The following MIB2 variants were observed in gnomAD, a reference collection of about 807,000 sequenced individuals.
MIB2 encodes the protein MIB E3 ubiquitin protein ligase 2, also known as E3 ubiquitin-protein ligase MIB2.
In MIB2, 78 loss-of-function variants were observed where a neutral mutation model predicts 96.6. The observed-to-expected ratio is 0.81, with a 90% CI of 0.67 to 0.97. MIB2 has a LOEUF of 0.97. MIB2 is among the 50% of genes least tolerant of loss of function. MIB2 has a pLI of 0.00. For missense variants in MIB2, 1,543 were observed against 1,424.0 expected (o/e 1.08, Z -1.35); for synonymous variants, 820 against 629.5 (o/e 1.30, Z -4.53).
chr1:1,621,195 G>GTTCGTCAC (rs1644230173), intron 2 of MIB2, among the ~76,000 whole-genome samples: 2 of 152,276 alleles, frequency 1.3e-5, no homozygotes, highest in African/African-American at 4.8e-5. Context: ...GCCCCGCGAG[G>GTTCGTCAC]GGAATAGTGC....
In MIB2 at chr1:1,623,430, G is replaced by A. The variant is rs1453617055; in HGVS notation, c.-22-1G>A. On this transcript the variant is annotated splice_acceptor_variant, in intron 2 of 19. Transcript: ENST00000355826. LOFTEE classifies it low-confidence loss of function (5UTR_SPLICE). Reference sequence around the variant, plus strand: ...CCCACCATGGACCCCTCTGCCCACAGGTCCCGAGCAGCCCCGCCCAACATG... The same window carrying A: ...CCCACCATGGACCCCTCTGCCCACAAGTCCCGAGCAGCCCCGCCCAACATG... The A allele has an allele frequency of 6.2e-6, 10 of 1,602,906 alleles. No individual in the cohort carries two copies. The African/African-American group carries it at 9.4e-5, about 15-fold the overall frequency.
chr1:1,615,616 C>T lies in MIB2; in HGVS notation c.-147C>T. 6.4e-7 allele frequency: 1 copy of T among 1,571,262 alleles called. No homozygotes were observed. The highest frequency in any genetic ancestry group is 1.2e-5 in the South Asian group (1 of 85,612). On this transcript the variant is annotated 5_prime_UTR_variant, in exon 1 of 20. Coordinates refer to ENST00000355826, the MANE Select transcript of MIB2 (RefSeq NM_001170687.4). ...TCCTAGGTCACTGGCGCGATGCGGGCCGTCCTCTCGGCTGATGGTGCGTGC... is the reference window on the plus strand; with the variant it reads ...TCCTAGGTCACTGGCGCGATGCGGGTCGTCCTCTCGGCTGATGGTGCGTGC...
At chr1:1,622,167 C>T (rs187801532) in intron 2 of MIB2, among the ~76,000 whole-genome samples, 297 of 152,326 alleles carry the variant, frequency 1.9e-3, no homozygotes, top group African/African-American at 4.8e-3. Flanking sequence ...CTGGGACTGC[C>T]GTGTCCCCCA....
At position 1,629,255 on chromosome 1, in the gene MIB2, C is replaced by G; in HGVS notation, c.2325C>G (p.Asp775Glu). 6.5e-7 allele frequency: 1 copy of G among 1,545,768 alleles called. No homozygotes were observed. Among genetic ancestry groups the G allele is most frequent in the Non-Finnish European group, 8.6e-7 (1 of 1,157,250 alleles). ...ACCACCGCGGTCGGAGCCCGCTGGACCTGGCCGCCGAGGGTCGCGTGCTCA... is the reference window on the plus strand; with the variant it reads ...ACCACCGCGGTCGGAGCCCGCTGGAGCTGGCCGCCGAGGGTCGCGTGCTCA... ...YTNHRGRSPL[D>E]LAAEGRVLKA... The change falls in exon 17 of 20, where the codon GAC (aspartate) becomes GAG (glutamate). Residue 775 changes from aspartate (D) to glutamate (E), a missense_variant. Asp to Glu is a conservative substitution (Grantham distance 45). Coordinates refer to ENST00000355826, the MANE Select transcript of MIB2 (RefSeq NM_001170687.4).
chr1:1,628,545 C>A lies in MIB2; in HGVS notation c.2025C>A (p.Ala675=). The change falls in exon 16 of 20, where the codon GCC becomes GCA. Residue 675 remains alanine (A), a synonymous_variant. Coordinates refer to ENST00000355826, the MANE Select transcript of MIB2 (RefSeq NM_001170687.4). ...NRKLQSPLHL[A]VQQAHVGLVP... is the part of the protein sequence containing the mutation. ...AGCTGCAGTCCCCGCTGCATCTCGCCGTGCAACAGGCCCACGTGGGGCTGG... is the reference window on the plus strand; with the variant it reads ...AGCTGCAGTCCCCGCTGCATCTCGCAGTGCAACAGGCCCACGTGGGGCTGG... 2.5e-6 allele frequency: 4 copies of A among 1,601,710 alleles called. No homozygotes were observed. Among genetic ancestry groups the A allele is most frequent in the Non-Finnish European group, 3.4e-6 (4 of 1,178,798 alleles).
At chr1:1,624,654 C>T (rs2100460784) in intron 4 of MIB2, 141 bp from the exon 5 acceptor site, 2 of 795,078 alleles carry the variant, frequency 2.5e-6, no homozygotes, top group East Asian at 2.7e-5. Context: ...CCGGCCATTC[C>T]CGGGCAAGAG....
In MIB2 at chr1:1,627,646, T is replaced by G. The variant is rs370602060; in HGVS notation, c.1524-27T>G. The G allele has an allele frequency of 2.5e-6, 4 of 1,581,418 alleles. No individual in the cohort carries two copies. The African/African-American group carries it at 4.0e-5, about 16-fold the overall frequency. ...CGTCCAGCCACCGGGCCCGGCGCCC[T>G]CCCTCTCCCACTTCCTCTCCTGTCA... On this transcript the variant is annotated intron_variant, in intron 12 of 19. Coordinates refer to ENST00000355826, the MANE Select transcript of MIB2 (RefSeq NM_001170687.4).
In MIB2 at chr1:1,629,559, G is replaced by A. The variant is rs780359214; in HGVS notation, c.2556G>A (p.Val852=). 533 of 1,554,034 alleles carry A rather than the reference G, an allele frequency of 3.4e-4. No homozygotes were observed. The highest frequency in any genetic ancestry group is 4.6e-4 in the Non-Finnish European group (525 of 1,151,892). ...TCTCGCCGTGCCAGCACCGCACCGT[G>A]TGTGAGGGTGAGTGGGGGGCCCCGG... The part of the protein sequence containing the change: ...VLFSPCQHRT[V]CEECARRMKK... Residue 852 remains valine, a synonymous_variant, in exon 18 of 20, where the codon GTG becomes GTA. Transcript: ENST00000355826.
chr1:1,630,264 C>G, intron 19 of MIB2, 28 bp from the exon 20 acceptor site: 3 of 1,245,128 alleles, frequency 2.4e-6, no homozygotes, highest in Non-Finnish European at 3.2e-6. Context: ...CCCGGCCTCC[C>G]AGCTCACACC....
In MIB2 at chr1:1,625,700, C is replaced by A; in HGVS notation, c.972+47C>A. 6.8e-7 allele frequency: 1 copy of A among 1,474,740 alleles called. No homozygotes were observed. The highest frequency in any genetic ancestry group is 9.3e-7 in the Non-Finnish European group (1 of 1,080,916). 91.4% of individuals were successfully genotyped at this position (1,474,740 alleles called of 1,614,324 possible). On this transcript the variant is annotated intron_variant, in intron 8 of 19. Transcript: ENST00000355826. The surrounding 1 kb of genome is among the most constrained non-coding windows in gnomAD (Gnocchi z 5.0). ...GCCTCATCTGCTTGCTTCTGTAACC[C>A]CTTCCACGTACCCCCTTGGCCTTGG... is the stretch of plus-strand genomic sequence containing the variant.
Position 1,624,811 on chromosome 1 carries a change from C to T in MIB2, c.436C>T (p.Arg146Cys). ...CTCTTGCAGTGTCACACTGAGTCCC[C>T]GCCAGGGCCTCCCGAGGATCCCACT... ...AHSRPVTLSP[R>C]QGLPRIPLRG... The change falls in exon 5 of 20, where the codon CGC (arginine) becomes TGC (cysteine). Residue 146 changes from arginine to cysteine, a missense_variant. By Grantham distance (180) the Arg-to-Cys change is radical. Coordinates refer to ENST00000355826, the MANE Select transcript of MIB2 (RefSeq NM_001170687.4). 3 of 1,612,920 alleles carry T rather than the reference C, an allele frequency of 1.9e-6. No homozygotes were observed. Among genetic ancestry groups the T allele is most frequent in the Non-Finnish European group, 2.5e-6 (3 of 1,179,942 alleles).
rs374674829 is a variant in MIB2, at chr1:1,625,184, C to T, written c.720C>T (p.Leu240=). ...GFYYKDHLPR[L]GKPAELQRRV... Reference sequence around the variant, plus strand: ...ACTACAAGGACCACCTCCCAAGGCTCGGTATGAGGCTGTCACACTGACTCC... The same window carrying T: ...ACTACAAGGACCACCTCCCAAGGCTTGGTATGAGGCTGTCACACTGACTCC... The change falls in exon 6 of 20, where the codon CTC becomes CTT. Residue 240 remains leucine, a splice_region_variant and synonymous_variant. Transcript: ENST00000355826. The surrounding 1 kb of genome is among the most constrained non-coding windows in gnomAD (Gnocchi z 5.0). 27 of 1,606,784 alleles carry T rather than the reference C, an allele frequency of 1.7e-5. No individual in the cohort carries two copies. Among genetic ancestry groups the T allele is most frequent in the Admixed American group, 1.0e-4 (6 of 59,828 alleles).
chr1:1,623,317 C>G, intron 2 of MIB2, 114 bp from the exon 3 acceptor site: 2 of 1,469,652 alleles, frequency 1.4e-6, no homozygotes, highest in South Asian at 1.4e-5. Context: ...CGTTGGGCCT[C>G]TCTGCTCTCC....
At chr1:1,624,580 C>T (rs181138846) in intron 4 of MIB2, among the ~76,000 whole-genome samples, 172 of 152,310 alleles carry the variant, frequency 1.1e-3, no homozygotes, top group Non-Finnish European at 1.9e-3. Flanking sequence ...TCCGCAGGTT[C>T]GCTCCAGGCC....
intron 2 of MIB2, chr1:1,617,504 G>C (rs1465841527): frequency 6.6e-6 from 1 of 152,222 alleles, no homozygotes; most frequent in Non-Finnish European, 1.5e-5. Context: ...GTCTGCTTGC[G>C]TGGTTAAGAC....
At chr1:1,615,927 G>A in intron 1 of MIB2, 1 of 992,380 alleles carries the variant, frequency 1.0e-6, no homozygotes, top group Non-Finnish European at 1.2e-6. Context: ...GTCCGGGCCG[G>A]GTGGGCTGCG....
chr1:1,625,085 C>T lies in MIB2; in HGVS notation c.621C>T (p.Thr207=). ...SVASVTWADG[T]TNVYRVGHKG... ...CCAGCGTGACGTGGGCTGATGGTAC[C>T]ACCAATGTGTACCGTGTGGGCCACA... Residue 207 remains threonine (T), a synonymous_variant, in exon 6 of 20, where the codon ACC becomes ACT. Transcript: ENST00000355826. The surrounding 1 kb of genome is among the most constrained non-coding windows in gnomAD (Gnocchi z 5.0). The T allele has an allele frequency of 6.2e-7, 1 of 1,613,342 alleles. No individual in the cohort carries two copies. The highest frequency in any genetic ancestry group is 1.1e-5 in the South Asian group (1 of 91,084).
At chr1:1,628,205 G>T (rs768363695) in intron 14 of MIB2, 26 bp downstream of exon 14, 2 of 1,612,110 alleles carry the variant, frequency 1.2e-6, no homozygotes, top group Non-Finnish European at 8.5e-7. Flanking sequence ...GCACACAGCT[G>T]CAGCCGGCCT....
In MIB2 at chr1:1,625,166, G is replaced by A; in HGVS notation, c.702G>A (p.Lys234=). The change falls in exon 6 of 20, where the codon AAG becomes AAA. Residue 234 remains lysine (K), a synonymous_variant. Coordinates refer to ENST00000355826, the MANE Select transcript of MIB2 (RefSeq NM_001170687.4). This position sits in a 1 kb window ranked among gnomAD's most constrained non-coding sequence, Gnocchi z 5.0. The part of the protein sequence containing the change: ...VGEAAGGFYY[K]DHLPRLGKPA... ...AGGCAGCGGGCGGCTTCTACTACAA[G>A]GACCACCTCCCAAGGCTCGGTATGA... is the stretch of plus-strand genomic sequence containing the variant. 6.2e-7 allele frequency: 1 copy of A among 1,611,546 alleles called. No individual in the cohort carries two copies. The highest frequency in any genetic ancestry group is 1.7e-5 in the Admixed American group (1 of 59,978).
Sources: gnomAD v4.1 joint callset for allele counts (sites outside exome capture counted in the v4.1 genomes callset) on GRCh38, gnomAD v4.1.1 for gene constraint, Gnocchi (gnomAD v3.1) non-coding constraint, MANE v1.5 for transcripts, NCBI Gene and HGNC (gene_info 2026-07-23, HGNC 2026-07-21) for gene names.